EHBP1: variants seen among roughly 807,000 people sequenced by gnomAD.
EHBP1 encodes the protein EH domain binding protein 1.
In EHBP1, 55 loss-of-function variants were observed where a neutral mutation model predicts 144.0. That is an observed-to-expected ratio of 0.38 (90% confidence interval 0.31 to 0.48). The LOEUF (loss-of-function observed/expected upper bound fraction) is 0.48. Ranked by LOEUF, EHBP1 falls within the 20% of genes least tolerant of loss-of-function variation. The pLI is 0.98. For missense variants in EHBP1, 1,200 were observed against 1,364.2 expected, an observed-to-expected ratio of 0.88 and a Z score of 1.90; for synonymous variants, 469 against 472.7, an observed-to-expected ratio of 0.99 and a Z score of 0.10.
intron 19 of EHBP1, among the ~76,000 whole-genome samples, chr2:63,022,594 CATG>C (rs2060803406): frequency 2.0e-5 from 3 of 152,040 alleles, no homozygotes. Context: ...GGATCACAGA[CATG>C]AGCCACCGCA....
intron 7 of EHBP1, among the ~76,000 whole-genome samples, chr2:62,844,134 G>A (rs1187899845): frequency 3.3e-5 from 5 of 152,136 alleles, no homozygotes; most frequent in Admixed American, 6.6e-5. Context: ...GACATCTCAC[G>A]GTTATTCATG....
chr2:62,684,616 C>T (rs1032270246), intron 1 of EHBP1, among the ~76,000 whole-genome samples: 3 of 152,180 alleles, frequency 2.0e-5, no homozygotes, highest in East Asian at 1.9e-4. Context: ...CCCATTATTA[C>T]CAGCATTTGT....
intron 4 of EHBP1, among the ~76,000 whole-genome samples, chr2:62,767,757 G>A (rs1018952952): frequency 6.7e-6 from 1 of 150,130 alleles, no homozygotes; most frequent in Non-Finnish European, 1.5e-5. Context: ...GATCGCTTGA[G>A]CCCAGGAGGT....
In EHBP1 at chr2:62,956,460, C is replaced by G. The variant is rs558274060; in HGVS notation, c.2460+800C>G. On this transcript the variant is annotated intron_variant, in intron 14 of 22. Coordinates refer to ENST00000431489, the MANE Select transcript of EHBP1 (RefSeq NM_001142616.3). Reference sequence around the variant, plus strand: ...CTTGTTGCATGTGTTTCACGTTTACCCAAAGAAGTACCCTATTGCTTATGA... The same window carrying G: ...CTTGTTGCATGTGTTTCACGTTTACGCAAAGAAGTACCCTATTGCTTATGA... Among the ~76,000 whole-genome samples the G allele has an allele frequency of 4.6e-5, 7 of 152,130 alleles. No homozygotes were observed. In the South Asian group the frequency reaches 1.5e-3, roughly 32 times the overall value.
Position 62,764,695 on chromosome 2 carries a change from C to A in EHBP1, c.258+334C>A, listed in dbSNP as rs558670927. Among the ~76,000 whole-genome samples, 66 of 151,946 alleles carry A rather than the reference C, an allele frequency of 4.3e-4. 1 individual carries two copies. Among genetic ancestry groups the A allele is most frequent in the African/African-American group, 1.4e-3 (58 of 41,474 alleles). On this transcript the variant is annotated intron_variant, in intron 4 of 22. Coordinates refer to ENST00000431489, the MANE Select transcript of EHBP1 (RefSeq NM_001142616.3). ...TGAGTCTTGACCTTCATTTTGTTAG[C>A]CTTGTTTGATAAAAGAATGCTTTAA...
intron 10 of EHBP1, among the ~76,000 whole-genome samples, chr2:62,930,589 A>G (rs537328541): frequency 6.8e-4 from 103 of 152,310 alleles, no homozygotes; most frequent in African/African-American, 2.2e-3. Flanking sequence ...CTCGAAAAGA[A>G]CAAGAGTGGA....
chr2:62,872,998 G>T (rs2050605816), intron 9 of EHBP1, among the ~76,000 whole-genome samples: 2 of 152,170 alleles, frequency 1.3e-5, no homozygotes, highest in South Asian at 4.1e-4. Flanking sequence ...GCACACTGTT[G>T]TCTCAGAGGT....
chr2:62,723,202 G>C (rs2036405103), intron 2 of EHBP1, among the ~76,000 whole-genome samples: 1 of 152,102 alleles, frequency 6.6e-6, no homozygotes, highest in African/African-American at 2.4e-5. Context: ...AGGATAATCA[G>C]GTCTTCTTGT....
chr2:63,010,913 C>T (rs1215844153), intron 19 of EHBP1, among the ~76,000 whole-genome samples: 1 of 151,576 alleles, frequency 6.6e-6, no homozygotes. Context: ...TAACCAAATT[C>T]TAGAACATTT....
intron 2 of EHBP1, among the ~76,000 whole-genome samples, chr2:62,719,671 T>G (rs1437806530): frequency 6.6e-6 from 1 of 152,238 alleles, no homozygotes; most frequent in Non-Finnish European, 1.5e-5. Flanking sequence ...TGTACAGATT[T>G]GTTTTGGTCA....
At chr2:62,812,573 C>A (rs868815396) in intron 5 of EHBP1, among the ~76,000 whole-genome samples, 6 of 152,004 alleles carry the variant, frequency 3.9e-5, no homozygotes, top group South Asian at 2.1e-4. Context: ...AAAGGCTATT[C>A]TGAGGAGGTC....
In EHBP1 at chr2:62,805,437, T is replaced by C. The variant is rs2044365322; in HGVS notation, c.313-20650T>C. Among the ~76,000 whole-genome samples the C allele has an allele frequency of 2.6e-5, 4 of 151,442 alleles. No individual in the cohort carries two copies. The South Asian group carries it at 8.3e-4, about 31-fold the overall frequency. Reference sequence around the variant, plus strand: ...AATACATATCTTTGGTGGACTTATGTATAGTCTTGTTCTTTATGTCTTTGT... The same window carrying C: ...AATACATATCTTTGGTGGACTTATGCATAGTCTTGTTCTTTATGTCTTTGT... On this transcript the variant is annotated intron_variant, in intron 5 of 22. Coordinates refer to ENST00000431489, the MANE Select transcript of EHBP1 (RefSeq NM_001142616.3).
intron 5 of EHBP1, among the ~76,000 whole-genome samples, chr2:62,780,869 T>C (rs1334145597): frequency 6.6e-6 from 1 of 151,860 alleles, no homozygotes; most frequent in East Asian, 1.9e-4. Flanking sequence ...TCTTGTTTTC[T>C]GGTTCTGTTT....
chr2:62,833,280 G>A (rs900856816), intron 7 of EHBP1, among the ~76,000 whole-genome samples: 1 of 152,222 alleles, frequency 6.6e-6, no homozygotes, highest in African/African-American at 2.4e-5. Context: ...TCCATAACAT[G>A]AAAGTGCAAA....
chr2:62,992,171 C>G (rs2059439771), intron 16 of EHBP1, among the ~76,000 whole-genome samples: 1 of 151,750 alleles, frequency 6.6e-6, no homozygotes, highest in Admixed American at 6.6e-5. Context: ...TGTTGCCAGG[C>G]CTAAAAAAAT....
At chr2:62,985,626 C>G (rs1005208165) in intron 15 of EHBP1, among the ~76,000 whole-genome samples, 1 of 152,116 alleles carries the variant, frequency 6.6e-6, no homozygotes, top group Non-Finnish European at 1.5e-5. Context: ...TGTTATTTCT[C>G]TTTAAGTATG....
intron 5 of EHBP1, among the ~76,000 whole-genome samples, chr2:62,810,093 C>A (rs2044861549): frequency 6.6e-6 from 1 of 152,148 alleles, no homozygotes; most frequent in Non-Finnish European, 1.5e-5. Flanking sequence ...TAAGTGGTAT[C>A]GTGTGAACTA....
intron 5 of EHBP1, among the ~76,000 whole-genome samples, chr2:62,811,344 C>T (rs1166090932): frequency 6.6e-6 from 1 of 152,182 alleles, no homozygotes; most frequent in East Asian, 1.9e-4. Context: ...TTTTGGTCTG[C>T]TGATGAAGCA....
At chr2:62,898,522 C>T (rs2053128274) in intron 10 of EHBP1, among the ~76,000 whole-genome samples, 1 of 152,178 alleles carries the variant, frequency 6.6e-6, no homozygotes, top group African/African-American at 2.4e-5. Flanking sequence ...ACAACTCAGT[C>T]CCTCATTTCA....
Sources: allele counts gnomAD v4.1 joint callset (sites outside exome capture counted in the v4.1 genomes callset), GRCh38; gene constraint gnomAD v4.1.1; transcripts MANE v1.5; gene names NCBI Gene and HGNC (gene_info 2026-07-23, HGNC 2026-07-21).